GPATCH8: variants seen among roughly 807,000 people sequenced by gnomAD.
GPATCH8 encodes the protein G patch domain-containing protein 8.
A neutral mutation model predicts 118.3 loss-of-function variants in GPATCH8; 18 were observed. That is an observed-to-expected ratio of 0.15 (90% confidence interval 0.11 to 0.23). The LOEUF is 0.23. Ranked by LOEUF, GPATCH8 falls within the 10% of genes least tolerant of loss-of-function variation. The pLI is 1.00. For synonymous variants in GPATCH8, 659 were observed against 684.7 expected (o/e 0.96, Z 0.59); for missense variants, 1,631 against 1,873.8 (o/e 0.87, Z 2.39).
At chr17:44,454,716 TC>T (rs1365535653) in intron 3 of GPATCH8, among the ~76,000 whole-genome samples, 10 of 152,282 alleles carry the variant, frequency 6.6e-5, no homozygotes, top group African/African-American at 1.7e-4. Context: ...AGCCACCACA[TC>T]CGGTCCTTTC....
intron 3 of GPATCH8, among the ~76,000 whole-genome samples, chr17:44,462,587 G>A (rs1015298153): frequency 6.6e-6 from 1 of 152,210 alleles, no homozygotes; most frequent in Non-Finnish European, 1.5e-5. Flanking sequence ...TTAATGCTTA[G>A]TAATGAATAT....
intron 5 of GPATCH8, among the ~76,000 whole-genome samples, chr17:44,429,974 A>G (rs1270088832): frequency 6.6e-6 from 1 of 152,026 alleles, no homozygotes; most frequent in Non-Finnish European, 1.5e-5. Context: ...GGTTGCTGTG[A>G]GCCATCGTGC....
chr17:44,481,693 T>C (rs1373862227), intron 1 of GPATCH8, among the ~76,000 whole-genome samples: 1 of 152,188 alleles, frequency 6.6e-6, no homozygotes, highest in Middle Eastern at 3.2e-3. Flanking sequence ...TTAAATTTTT[T>C]GAAAAATGGT....
intron 1 of GPATCH8, chr17:44,486,938 A>G (rs1968830355): frequency 1.3e-5 from 2 of 152,202 alleles, no homozygotes; most frequent in Non-Finnish European, 2.9e-5. Flanking sequence ...AGCTGAAAGT[A>G]TAGACACAGC....
intron 5 of GPATCH8, among the ~76,000 whole-genome samples, chr17:44,434,774 C>T (rs2050439883): frequency 6.6e-6 from 1 of 152,226 alleles, no homozygotes; most frequent in South Asian, 2.1e-4. Context: ...GGACTTTTAA[C>T]AATTTTTACT....
At chr17:44,493,915 A>G (rs950933799) in intron 1 of GPATCH8, among the ~76,000 whole-genome samples, 2 of 152,190 alleles carry the variant, frequency 1.3e-5, no homozygotes, top group African/African-American at 4.8e-5. Flanking sequence ...TTATTAAACC[A>G]TGACAGTATA....
chr17:44,431,149 T>A (rs574469770), intron 5 of GPATCH8, among the ~76,000 whole-genome samples: 12 of 151,006 alleles, frequency 7.9e-5, no homozygotes, highest in Admixed American at 6.6e-4. Flanking sequence ...GGCAGGCGGA[T>A]CACTTGAGGT....
intron 1 of GPATCH8, among the ~76,000 whole-genome samples, chr17:44,480,028 C>A (rs969459787): frequency 2.7e-5 from 4 of 149,586 alleles, no homozygotes; most frequent in Non-Finnish European, 5.9e-5. Context: ...TATTCCTTTT[C>A]AAAAAAAAAT....
chr17:44,466,448 T>G (rs1032151680), intron 2 of GPATCH8, among the ~76,000 whole-genome samples: 1 of 152,164 alleles, frequency 6.6e-6, no homozygotes, highest in Non-Finnish European at 1.5e-5. Context: ...TTTGAAAGAA[T>G]TAGAAACACT....
chr17:44,460,798 G>C (rs1223222438), intron 3 of GPATCH8, among the ~76,000 whole-genome samples: 1 of 152,126 alleles, frequency 6.6e-6, no homozygotes, highest in Non-Finnish European at 1.5e-5. Context: ...TTTTTTGAAT[G>C]GTTATTTATA....
intron 2 of GPATCH8, chr17:44,465,886 G>C (rs1415638279): frequency 6.6e-6 from 1 of 152,216 alleles, no homozygotes; most frequent in Non-Finnish European, 1.5e-5. Context: ...CTAGAAGTTA[G>C]AAGAAGATTA....
chr17:44,442,083 G>A (rs1179247293), intron 3 of GPATCH8, among the ~76,000 whole-genome samples: 2 of 83,486 alleles, frequency 2.4e-5, no homozygotes, highest in Admixed American at 1.4e-4. Flanking sequence ...ATATATATGT[G>A]TGTATATGTA....
chr17:44,436,747 CGT>C, intron 3 of GPATCH8: 2 of 477,638 alleles, frequency 4.2e-6, no homozygotes, highest in Non-Finnish European at 7.1e-6. Flanking sequence ...CCTTGGCTGA[CGT>C]CCAGTTGGGA....
In GPATCH8 at chr17:44,400,526, A is replaced by G; in HGVS notation, c.1551T>C (p.Ser517=). ...MCESNSSKET[S]LATPAGKESQ... is the part of the protein sequence containing the mutation. ...TTTCTTTCCCTGCTGGGGTGGCCAG[A>G]GAGGTTTCTTTAGAAGAGTTGGACT... Residue 517 remains serine, a synonymous_variant, in exon 8 of 8, where the codon TCT becomes TCC. Transcript: ENST00000591680. 1 of 1,614,044 alleles carries G rather than the reference A, an allele frequency of 6.2e-7. No individual in the cohort carries two copies. The highest frequency in any genetic ancestry group is 8.5e-7 in the Non-Finnish European group (1 of 1,179,900).
chr17:44,494,391 C>T (rs752415963), intron 1 of GPATCH8, among the ~76,000 whole-genome samples: 1 of 151,946 alleles, frequency 6.6e-6, no homozygotes, highest in Admixed American at 6.6e-5. Flanking sequence ...CAGGAGTTCG[C>T]GACCAGCCTG....
chr17:44,401,834 T>C (rs976957863), intron 7 of GPATCH8, among the ~76,000 whole-genome samples: 10 of 151,486 alleles, frequency 6.6e-5, no homozygotes, highest in Non-Finnish European at 1.2e-4. Flanking sequence ...TGAAACCCTG[T>C]CTCTACTAAA....
chr17:44,471,079 TAATC>T (rs1437902843), intron 2 of GPATCH8, among the ~76,000 whole-genome samples: 4 of 152,348 alleles, frequency 2.6e-5, no homozygotes, highest in African/African-American at 9.6e-5. Context: ...TTAATAGAGA[TAATC>T]AAGTTGTTTA....
chr17:44,437,488 A>C (rs562750405), intron 3 of GPATCH8, among the ~76,000 whole-genome samples: 1 of 152,222 alleles, frequency 6.6e-6, no homozygotes, highest in South Asian at 2.1e-4. Flanking sequence ...GAAAAAACAC[A>C]ATGTTTACTT....
chr17:44,410,505 A>G (rs1226697914), intron 6 of GPATCH8, among the ~76,000 whole-genome samples: 24 of 152,216 alleles, frequency 1.6e-4, no homozygotes, highest in Admixed American at 1.6e-3. Context: ...AAGCTATGAG[A>G]TGTCCTTATC....
Sources: allele counts gnomAD v4.1 joint callset (sites outside exome capture counted in the v4.1 genomes callset), GRCh38; gene constraint gnomAD v4.1.1; transcripts MANE v1.5; gene names NCBI Gene and HGNC (gene_info 2026-07-23, HGNC 2026-07-21).